The following ARMC9 variants were observed in gnomAD, a reference collection of about 807,000 sequenced individuals.
ARMC9 encodes the protein lisH domain-containing protein ARMC9.
Under a neutral mutation model 107.0 loss-of-function variants are expected in ARMC9, and 94 were observed. The ratio of observed to expected loss-of-function variants is 0.88; its 90% confidence interval spans 0.74 to 1.04. ARMC9 has a LOEUF of 1.04. Ranked by LOEUF, ARMC9 falls within the 50% of genes least tolerant of loss-of-function variation. ARMC9 has a pLI of 0.00. For missense variants in ARMC9, 942 were observed against 1,030.1 expected (o/e 0.91, Z 1.17); for synonymous variants, 380 against 396.9 (o/e 0.96, Z 0.51).
At chr2:231,222,160 T>A (rs2034210708) in intron 5 of ARMC9, among the ~76,000 whole-genome samples, 1 of 152,246 alleles carries the variant, frequency 6.6e-6, no homozygotes, top group African/African-American at 2.4e-5. Flanking sequence ...TTTAAGTCAT[T>A]AATTTTTTCT....
chr2:231,304,802 G>A (rs1261206570), intron 19 of ARMC9, among the ~76,000 whole-genome samples: 2 of 152,156 alleles, frequency 1.3e-5, no homozygotes, highest in African/African-American at 4.8e-5. Flanking sequence ...AGCTCACAAT[G>A]GCAGATATAG....
chr2:231,237,414 TTTTG>T (rs1260095078), intron 8 of ARMC9, among the ~76,000 whole-genome samples: 1 of 152,186 alleles, frequency 6.6e-6, no homozygotes, highest in Non-Finnish European at 1.5e-5. Flanking sequence ...TTTTTTGTTT[TTTTG>T]TTTGCTATAA....
intron 17 of ARMC9, among the ~76,000 whole-genome samples, chr2:231,286,961 C>A (rs1301372726): frequency 6.6e-6 from 1 of 152,182 alleles, no homozygotes; most frequent in Non-Finnish European, 1.5e-5. Context: ...TGCCCTAATA[C>A]CCACTCCCCA....
chr2:231,240,383 G>A (rs1024132782), intron 9 of ARMC9, among the ~76,000 whole-genome samples: 9 of 152,150 alleles, frequency 5.9e-5, no homozygotes, highest in Non-Finnish European at 8.8e-5. Flanking sequence ...CTAAAGCAGG[G>A]ACACTTTTTT....
chr2:231,273,180 T>C (rs565275694), intron 14 of ARMC9, 102 bp downstream of exon 14: 2 of 1,459,876 alleles, frequency 1.4e-6, no homozygotes, highest in African/African-American at 1.4e-5. Context: ...CACTACACTT[T>C]GGAGAGGTTG....
At chr2:231,208,996 G>A (rs1474024109) in intron 3 of ARMC9, among the ~76,000 whole-genome samples, 1 of 152,072 alleles carries the variant, frequency 6.6e-6, no homozygotes, top group African/African-American at 2.4e-5. Flanking sequence ...CTGCCTCCAG[G>A]ATTCAAGCGA....
At position 231,333,509 on chromosome 2, in the gene ARMC9, G is replaced by A. The variant is rs561438807; in HGVS notation, c.1878+1612G>A. ...TTGGCTGTGGAGCTGTTTACATTAG[G>A]TGGAGCAGGGAGGTGCTCAGGAAAG... On this transcript the variant is annotated intron_variant, in intron 20 of 24. Coordinates refer to ENST00000611582, the MANE Select transcript of ARMC9 (RefSeq NM_001352754.2). Among the ~76,000 whole-genome samples the A allele has an allele frequency of 5.3e-5, 8 of 152,288 alleles. No individual in the cohort carries two copies. In the South Asian group the frequency reaches 1.5e-3, roughly 28 times the overall value.
At chr2:231,283,201 G>T (rs934446367) in intron 17 of ARMC9, among the ~76,000 whole-genome samples, 5 of 152,130 alleles carry the variant, frequency 3.3e-5, no homozygotes, top group Non-Finnish European at 5.9e-5. Flanking sequence ...CGAAACCTAT[G>T]TGACAACATC....
At chr2:231,209,861 T>A (rs896537338) in intron 3 of ARMC9, among the ~76,000 whole-genome samples, 1 of 152,102 alleles carries the variant, frequency 6.6e-6, no homozygotes, top group Non-Finnish European at 1.5e-5. Flanking sequence ...TTAAAAAAAA[T>A]TATGTGGAGA....
At chr2:231,203,563 C>T (rs183204368) in intron 1 of ARMC9, among the ~76,000 whole-genome samples, 2 of 152,278 alleles carry the variant, frequency 1.3e-5, no homozygotes, top group East Asian at 1.9e-4. Context: ...AGCAGCCGGG[C>T]GTGGTGGCTC....
chr2:231,345,127 T>C, intron 21 of ARMC9, 37 bp downstream of exon 21: 1 of 1,605,592 alleles, frequency 6.2e-7, no homozygotes, highest in Non-Finnish European at 8.5e-7. Context: ...ATTGACTTTC[T>C]TAAGCTTTGT....
At chr2:231,222,704 A>G in intron 5 of ARMC9, 24 bp from the exon 6 acceptor site, 1 of 1,323,726 alleles carries the variant, frequency 7.6e-7, no homozygotes, top group Non-Finnish European at 1.1e-6. Context: ...TAATGTTTGT[A>G]TTTTTGTTCC....
At chr2:231,263,196 T>G (rs1405110238) in intron 12 of ARMC9, among the ~76,000 whole-genome samples, 1 of 152,224 alleles carries the variant, frequency 6.6e-6, no homozygotes, top group African/African-American at 2.4e-5. Flanking sequence ...GTAAAGCTAT[T>G]GTTAAACTTC....
chr2:231,345,041 C>G lies in ARMC9; in HGVS notation c.1945C>G (p.Pro649Ala), dbSNP rs951734426. 1.2e-6 allele frequency: 2 copies of G among 1,613,818 alleles called. No homozygotes were observed. Among genetic ancestry groups the G allele is most frequent in the African/African-American group, 2.7e-5 (2 of 74,880 alleles). Residue 649 changes from proline to alanine, a missense_variant, in exon 21 of 25, where the codon CCC becomes GCC. Transcript: ENST00000611582. ...LANVQWSGDEPLQRPVTPGGH... is the reference protein window; with the variant it reads ...LANVQWSGDEALQRPVTPGGH... ...TAATGTGCAGTGGAGCGGGGATGAG[C>G]CCCTGCAAAGGCCCGTCACCCCCGG...
intron 19 of ARMC9, among the ~76,000 whole-genome samples, chr2:231,322,972 C>G (rs1466140980): frequency 6.6e-6 from 1 of 152,138 alleles, no homozygotes; most frequent in East Asian, 1.9e-4. Context: ...TGGCTGGTGC[C>G]CTTGTCGCCC....
rs1400598545 is a variant in ARMC9 at position 231,374,736 on chromosome 2, A to G, written c.*3201A>G. 1 of 152,194 alleles carries G rather than the reference A, an allele frequency of 6.6e-6. No individual in the cohort carries two copies. Among genetic ancestry groups the G allele is most frequent in the African/African-American group, 2.4e-5 (1 of 41,454 alleles). The allele number at this position is 152,194 out of a possible 1,614,324, so 9.4% of individuals were successfully genotyped here. On this transcript the variant is annotated 3_prime_UTR_variant, in exon 25 of 25. Coordinates refer to ENST00000611582, the MANE Select transcript of ARMC9 (RefSeq NM_001352754.2). ...TAACCCTAATCCCAGCCCCAGTTTT[A>G]ATAAAACTGTATTTACAAAATAGGC...
intron 19 of ARMC9, among the ~76,000 whole-genome samples, chr2:231,312,391 C>T (rs371313609): frequency 7.2e-5 from 11 of 152,202 alleles, no homozygotes; most frequent in African/African-American, 2.7e-4. Flanking sequence ...CTGTCAAAGT[C>T]ACAAGGCCAG....
rs62198969 is a variant in ARMC9 at position 231,358,033 on chromosome 2, C to T, written c.2131+2099C>T. 4.6e-3 allele frequency among the ~76,000 whole-genome samples: 700 copies of T among 152,282 alleles called. 2 individuals carry two copies. The highest frequency in any genetic ancestry group is 7.3e-3 in the South Asian group (35 of 4,816). On this transcript the variant is annotated intron_variant, in intron 22 of 24. Transcript: ENST00000611582. The surrounding 1 kb of genome is among the most constrained non-coding windows in gnomAD (Gnocchi z 4.5). ...AGACAGGCCTGCCCACGGCCTGTTG[C>T]GTCTCCCCAGTTGGCCTCCCTGCCC...
chr2:231,210,467 C>T (rs1364179423), intron 3 of ARMC9, among the ~76,000 whole-genome samples: 1 of 152,202 alleles, frequency 6.6e-6, no homozygotes, highest in Non-Finnish European at 1.5e-5. Flanking sequence ...TTACCCTACA[C>T]GTTGGAAGTA....
Sources: gnomAD v4.1 joint callset for allele counts (sites outside exome capture counted in the v4.1 genomes callset) on GRCh38, gnomAD v4.1.1 for gene constraint, Gnocchi (gnomAD v3.1) non-coding constraint, MANE v1.5 for transcripts, NCBI Gene and HGNC (gene_info 2026-07-23, HGNC 2026-07-21) for gene names.